The following MYO18B variants were observed in gnomAD, a reference collection of about 807,000 sequenced individuals.
The protein encoded by MYO18B is myosin XVIIIB, also known as unconventional myosin-XVIIIb.
A neutral mutation model predicts 273.0 loss-of-function variants in MYO18B; 204 were observed. The observed-to-expected ratio is 0.75, with a 90% CI of 0.67 to 0.84. MYO18B has a LOEUF of 0.84. Among genes scored for constraint, MYO18B ranks in the 40% least tolerant of loss-of-function variants. The pLI is 0.00. For synonymous variants in MYO18B, 1,330 were observed against 1,305.7 expected, an observed-to-expected ratio of 1.02 and a Z score of -0.40; for missense variants, 3,212 against 3,287.6, an observed-to-expected ratio of 0.98 and a Z score of 0.56.
At chr22:25,803,667 G>GT (rs2088322746) in intron 12 of MYO18B, among the ~76,000 whole-genome samples, 1 of 152,102 alleles carries the variant, frequency 6.6e-6, no homozygotes. Context: ...GTCACTTCCC[G>GT]TATCTAAGCC....
At chr22:25,940,221 G>A (rs1202175247) in intron 34 of MYO18B, among the ~76,000 whole-genome samples, 2 of 152,214 alleles carry the variant, frequency 1.3e-5, no homozygotes, top group Non-Finnish European at 1.5e-5. Flanking sequence ...GAACTGCTGG[G>A]AGGTGTTTGA....
chr22:26,055,786 A>G, the MYO18B span, among the ~76,000 whole-genome samples: 118 of 152,306 alleles, frequency 7.7e-4, no homozygotes, highest in African/African-American at 2.8e-3. Context: ...GAAAAACAAA[A>G]TTAGGAGAGC....
chr22:26,030,712 G>C lies in MYO18B; in HGVS notation c.*282G>C, dbSNP rs2147042614. ...GTTGATGGGGTGCAGATAGGGGTAG[G>C]ACTGTTAGAATAGAACCAACCCAAA... On this transcript the variant is annotated 3_prime_UTR_variant, in exon 44 of 44. Coordinates refer to ENST00000335473, the MANE Select transcript of MYO18B (RefSeq NM_032608.7). 2.6e-6 allele frequency: 1 copy of C among 386,372 alleles called. No homozygotes were observed. Among genetic ancestry groups the C allele is most frequent in the South Asian group, 1.5e-4 (1 of 6,896 alleles). 23.9% of individuals were successfully genotyped at this position (386,372 alleles called of 1,614,324 possible).
the MYO18B span, among the ~76,000 whole-genome samples, chr22:26,052,877 A>T: frequency 6.7e-6 from 1 of 148,444 alleles, no homozygotes; most frequent in East Asian, 2.0e-4. Context: ...ATCTCGGCTC[A>T]CTGCAAGCTC....
intron 42 of MYO18B, among the ~76,000 whole-genome samples, chr22:26,005,864 A>G (rs1339251266): frequency 6.6e-6 from 1 of 152,220 alleles, no homozygotes; most frequent in Non-Finnish European, 1.5e-5. Flanking sequence ...TGTCTGGTGC[A>G]TGTCTGCAGA....
Position 26,027,242 on chromosome 22 carries a change from C to G in MYO18B, c.7268C>G (p.Pro2423Arg). The G allele has an allele frequency of 3.7e-6, 6 of 1,613,986 alleles. No individual in the cohort carries two copies. The highest frequency in any genetic ancestry group is 4.2e-6 in the Non-Finnish European group (5 of 1,179,894). Reference sequence around the variant, plus strand: ...ATGGAGGAACCTCTAGGCAGTGACCCATTCAGCTGGAAACTCCCAAGCCTC... The same window carrying G: ...ATGGAGGAACCTCTAGGCAGTGACCGATTCAGCTGGAAACTCCCAAGCCTC... ...HLMEEPLGSDPFSWKLPSLDY... is the reference protein window; with the variant it reads ...HLMEEPLGSDRFSWKLPSLDY... The change falls in exon 43 of 44, where the codon CCA (proline) becomes CGA (arginine). Residue 2423 changes from proline to arginine, a missense_variant. Pro to Arg is a moderately radical substitution (Grantham distance 103, BLOSUM62 -2). Coordinates refer to ENST00000335473, the MANE Select transcript of MYO18B (RefSeq NM_032608.7). This position sits in a 1 kb window ranked among gnomAD's most constrained non-coding sequence, Gnocchi z 4.1.
the MYO18B span, among the ~76,000 whole-genome samples, chr22:26,059,778 A>G: frequency 3.3e-5 from 5 of 152,240 alleles, no homozygotes; most frequent in East Asian, 9.6e-4. Flanking sequence ...GTGGTTAATT[A>G]CGTACAATTC....
At position 26,030,659 on chromosome 22, in the gene MYO18B, A is replaced by G. The variant is rs1329214397; in HGVS notation, c.*229A>G. The G allele has an allele frequency of 2.9e-5, 10 of 347,950 alleles. No homozygotes were observed. Among genetic ancestry groups the G allele is most frequent in the Non-Finnish European group, 5.2e-5 (10 of 193,882 alleles). 21.6% of individuals were successfully genotyped at this position (347,950 alleles called of 1,614,324 possible). A position where few individuals can be genotyped will look rare whatever the true frequency, so the allele number is the denominator to read the frequency against. The stretch of plus-strand genomic sequence containing the variant: ...ACTCCTGGGCATCTGTGCCTTCTCT[A>G]TGGCCTTGCTACCTGGGATTCCAGA... On this transcript the variant is annotated 3_prime_UTR_variant, in exon 44 of 44. Transcript: ENST00000335473.
At chr22:25,767,472 TA>T (rs986539278) in intron 3 of MYO18B, among the ~76,000 whole-genome samples, 5 of 152,176 alleles carry the variant, frequency 3.3e-5, no homozygotes, top group Admixed American at 6.5e-5. Context: ...TCTCATCCTA[TA>T]AAAGATCTGG....
In MYO18B at chr22:25,792,503, T is replaced by TTTTTTC. The variant is rs1293612080; in HGVS notation, c.2377-5445_2377-5444insCTTTTT. Among the ~76,000 whole-genome samples, 109 of 132,214 alleles carry TTTTTTC rather than the reference T, an allele frequency of 8.2e-4. 2 individuals carry two copies. Among genetic ancestry groups the TTTTTTC allele is most frequent in the Non-Finnish European group, 1.6e-3 (100 of 61,486 alleles). The allele number at this position is 132,214 out of a possible 152,430, so 86.7% of individuals were successfully genotyped here. On this transcript the variant is annotated intron_variant, in intron 11 of 43. Transcript: ENST00000335473. ...TTTCTTTTTTTTTTCTTTTCTTTTT[T>TTTTTTC]TTTTTTTTTTGAGACAGAGTCTGGC...
intron 1 of MYO18B, among the ~76,000 whole-genome samples, chr22:25,751,274 C>T (rs977693102): frequency 4.6e-5 from 7 of 152,206 alleles, no homozygotes; most frequent in Admixed American, 3.9e-4. Flanking sequence ...CTTAGGTTAT[C>T]TTTACCTCCT....
intron 34 of MYO18B, among the ~76,000 whole-genome samples, chr22:25,931,451 A>G (rs956223794): frequency 6.6e-6 from 1 of 152,226 alleles, no homozygotes; most frequent in African/African-American, 2.4e-5. Context: ...TGTGCTAGTC[A>G]TGGTGCCAAA....
intron 16 of MYO18B, among the ~76,000 whole-genome samples, chr22:25,833,776 G>A (rs1377731057): frequency 6.6e-6 from 1 of 152,324 alleles, no homozygotes; most frequent in East Asian, 1.9e-4. Context: ...GGCACCTGGC[G>A]TGATGCTTGG....
intron 25 of MYO18B, among the ~76,000 whole-genome samples, chr22:25,882,224 C>A (rs1234838257): frequency 6.6e-6 from 1 of 152,132 alleles, no homozygotes; most frequent in Non-Finnish European, 1.5e-5. Flanking sequence ...TAATCCCAGT[C>A]CCTGGCACAG....
intron 34 of MYO18B, among the ~76,000 whole-genome samples, chr22:25,942,014 C>G (rs1011122109): frequency 3.3e-5 from 5 of 152,228 alleles, no homozygotes; most frequent in African/African-American, 1.2e-4. Flanking sequence ...GAGCTCACAA[C>G]GACAATTGTT....
chr22:25,848,864 A>C (rs2090336569), intron 20 of MYO18B, among the ~76,000 whole-genome samples: 1 of 152,138 alleles, frequency 6.6e-6, no homozygotes, highest in Admixed American at 6.5e-5. Flanking sequence ...ATTTGGTTAA[A>C]GTCTCCGTGG....
At chr22:26,033,837 T>C (rs9624956), downstream of MYO18B, among the ~76,000 whole-genome samples, 818 of 106,960 alleles carry the variant, frequency 7.6e-3, 8 homozygotes, top group African/African-American at 0.036. Context: ...TCCTTCTTTC[T>C]TTCTTTCCTT....
At chr22:25,903,972 T>C in intron 31 of MYO18B, 141 bp downstream of exon 31, 1 of 908,896 alleles carries the variant, frequency 1.1e-6, no homozygotes, top group Non-Finnish European at 1.7e-6. Flanking sequence ...ACCTTTAAGC[T>C]CCTAAGTCTG....
chr22:25,844,184 AGAT>A (rs1350626398), intron 18 of MYO18B, among the ~76,000 whole-genome samples: 2 of 152,114 alleles, frequency 1.3e-5, no homozygotes, highest in Non-Finnish European at 2.9e-5. Context: ...AGTATCTGAG[AGAT>A]GATGTGACTG....
Sources: allele counts gnomAD v4.1 joint callset (sites outside exome capture counted in the v4.1 genomes callset), GRCh38; gene constraint gnomAD v4.1.1; non-coding constraint Gnocchi (gnomAD v3.1); transcripts MANE v1.5; gene names NCBI Gene and HGNC (gene_info 2026-07-23, HGNC 2026-07-21).